PLAC9: variants seen among roughly 807,000 people sequenced by gnomAD.
PLAC9 encodes placenta-specific protein 9.
In PLAC9, 12 loss-of-function variants were observed where a neutral mutation model predicts 11.5. The observed-to-expected ratio is 1.05, with a 90% confidence interval of 0.67 to 1.69. PLAC9 has a LOEUF of 1.69. Ranked by LOEUF, PLAC9 falls within the 40% of genes most tolerant of loss-of-function variation. PLAC9 has a pLI of 0.00. For synonymous variants in PLAC9, 62 were observed against 58.1 expected (o/e 1.07, Z -0.31); for missense variants, 132 against 130.5 (o/e 1.01, Z -0.06).
chr10:80,135,513 G>A (rs1250416397), intron 1 of PLAC9, among the ~76,000 whole-genome samples: 6 of 151,518 alleles, frequency 4.0e-5, no homozygotes, highest in Non-Finnish European at 5.9e-5. Context: ...TTTTAGTAGA[G>A]ACGGGGGCTG....
upstream of PLAC9, among the ~76,000 whole-genome samples, chr10:80,132,018 C>T (rs1037424696): frequency 2.6e-5 from 4 of 152,186 alleles, no homozygotes; most frequent in Non-Finnish European, 4.4e-5. Context: ...ATGGGCATGT[C>T]CCATAGGGGA....
At chr10:80,134,438 A>T (rs529520051) in intron 1 of PLAC9, among the ~76,000 whole-genome samples, 7 of 152,010 alleles carry the variant, frequency 4.6e-5, no homozygotes, top group African/African-American at 1.7e-4. Flanking sequence ...TAATTTTGGT[A>T]TTTTTAGTAG....
intron 3 of PLAC9, 37 bp from the exon 4 acceptor site, chr10:80,144,863 C>G (rs1385205595): frequency 6.4e-7 from 1 of 1,556,796 alleles, no homozygotes. Flanking sequence ...TCTGCGGCAC[C>G]CCAGCTTGCT....
rs114432394 is a variant in PLAC9, at chr10:80,141,972, C to T, written c.65-110C>T. 1,251 of 728,500 alleles carry T rather than the reference C, an allele frequency of 1.7e-3. 18 individuals are homozygous for T. The African/African-American group carries it at 0.02, about 12-fold the overall frequency. The allele number at this position is 728,500 out of a possible 1,614,324, so 45.1% of individuals were successfully genotyped here. A position where few individuals can be genotyped will look rare whatever the true frequency, so the allele number is the denominator to read the frequency against. Reference sequence around the variant, plus strand: ...CCCCACCTGGGCCGTCCTCCGCTTGCTCCTGAGTTTGCTTTGAGGACTGAC... The same window carrying T: ...CCCCACCTGGGCCGTCCTCCGCTTGTTCCTGAGTTTGCTTTGAGGACTGAC... On this transcript the variant is annotated intron_variant, in intron 1 of 3. Transcript: ENST00000372263.
chr10:80,134,314 AATG>A (rs961206978), intron 1 of PLAC9, among the ~76,000 whole-genome samples: 12 of 148,744 alleles, frequency 8.1e-5, no homozygotes, highest in African/African-American at 3.0e-4. Context: ...CCCATGCTAG[AATG>A]CAGTGGCACA....
intron 1 of PLAC9, among the ~76,000 whole-genome samples, chr10:80,139,420 C>T (rs748747208): frequency 6.6e-6 from 1 of 152,162 alleles, no homozygotes; most frequent in Non-Finnish European, 1.5e-5. Context: ...AATCTCAGTT[C>T]CTTGGCCCCT....
In PLAC9 at chr10:80,145,002, C is replaced by T. The variant is rs986797263; in HGVS notation, c.*92C>T. ...CTGTCCTCTCGACTTCCTTCCTTAG[C>T]TTCATGTGAAATAAAAGCTATTCTG... On this transcript the variant is annotated 3_prime_UTR_variant, in exon 4 of 4. Coordinates refer to ENST00000372263, the MANE Select transcript of PLAC9 (RefSeq NM_001012973.3). The T allele has an allele frequency of 6.8e-7, 1 of 1,466,484 alleles. No individual in the cohort carries two copies. 90.8% of individuals were successfully genotyped at this position (1,466,484 alleles called of 1,614,324 possible). A position where few individuals can be genotyped will look rare whatever the true frequency, so the allele number is the denominator to read the frequency against.
chr10:80,142,842 C>T (rs1218702049), intron 2 of PLAC9, among the ~76,000 whole-genome samples: 1 of 152,080 alleles, frequency 6.6e-6, no homozygotes, highest in Non-Finnish European at 1.5e-5. Flanking sequence ...CCTCAGTCTC[C>T]CAAGTAGCTG....
intron 1 of PLAC9, among the ~76,000 whole-genome samples, chr10:80,140,187 G>T (rs1261531080): frequency 6.6e-6 from 1 of 151,648 alleles, no homozygotes; most frequent in Non-Finnish European, 1.5e-5. Context: ...CTGTCCCTCA[G>T]GCTGTAAGCA....
chr10:80,144,484 G>C, intron 3 of PLAC9, 141 bp downstream of exon 3: 1 of 1,251,706 alleles, frequency 8.0e-7, no homozygotes, highest in Non-Finnish European at 1.1e-6. Flanking sequence ...GGACGGAAGC[G>C]GGACGGCATC....
upstream of PLAC9, chr10:80,132,719 C>T: frequency 7.0e-7 from 1 of 1,423,952 alleles, no homozygotes; most frequent in Admixed American, 2.9e-5. Context: ...CCGGGAAGGG[C>T]GGCTGCGGGC....
At chr10:80,140,094 T>C (rs1845022147) in intron 1 of PLAC9, among the ~76,000 whole-genome samples, 2 of 152,164 alleles carry the variant, frequency 1.3e-5, no homozygotes, top group African/African-American at 4.8e-5. Context: ...TCTGTCTTCC[T>C]TCGAGATGTG....
chr10:80,145,107 T>G lies in PLAC9; in HGVS notation c.*197T>G, dbSNP rs41291394. The stretch of plus-strand genomic sequence containing the variant: ...TCCACTTCCATGCCTGGAGGAAGCC[T>G]GCAACCCCCTCCAGGCTCAGACCTG... On this transcript the variant is annotated 3_prime_UTR_variant, in exon 4 of 4. Coordinates refer to ENST00000372263, the MANE Select transcript of PLAC9 (RefSeq NM_001012973.3). 6,699 of 744,532 alleles carry G rather than the reference T, an allele frequency of 9.0e-3. 50 individuals carry two copies. Among genetic ancestry groups the G allele is most frequent in the Non-Finnish European group, 0.013 (5,624 of 428,742 alleles). 46.1% of individuals were successfully genotyped at this position (744,532 alleles called of 1,614,324 possible). A position where few individuals can be genotyped will look rare whatever the true frequency, so the allele number is the denominator to read the frequency against.
intron 2 of PLAC9, among the ~76,000 whole-genome samples, chr10:80,143,490 C>A (rs1381805916): frequency 7.2e-6 from 1 of 139,160 alleles, no homozygotes; most frequent in East Asian, 2.2e-4. Context: ...CTCCACCTCC[C>A]GGTTCAAGTG....
At position 80,145,009 on chromosome 10, in the gene PLAC9, T is replaced by C; in HGVS notation, c.*99T>C. On this transcript the variant is annotated 3_prime_UTR_variant, in exon 4 of 4. Transcript: ENST00000372263. ...CTCGACTTCCTTCCTTAGCTTCATG[T>C]GAAATAAAAGCTATTCTGGTCTCCT... 1 of 1,446,664 alleles carries C rather than the reference T, an allele frequency of 6.9e-7. No individual in the cohort carries two copies. The highest frequency in any genetic ancestry group is 9.5e-7 in the Non-Finnish European group (1 of 1,051,698). The allele number at this position is 1,446,664 out of a possible 1,614,324, so 89.6% of individuals were successfully genotyped here. A position where few individuals can be genotyped will look rare whatever the true frequency, so the allele number is the denominator to read the frequency against.
chr10:80,136,812 T>A (rs986870579), intron 1 of PLAC9, among the ~76,000 whole-genome samples: 1 of 151,804 alleles, frequency 6.6e-6, no homozygotes, highest in Non-Finnish European at 1.5e-5. Context: ...CGAGCCCAGC[T>A]CGTCTAGCTA....
At chr10:80,139,203 C>T (rs1353490369) in intron 1 of PLAC9, among the ~76,000 whole-genome samples, 6 of 152,102 alleles carry the variant, frequency 3.9e-5, no homozygotes, top group African/African-American at 1.2e-4. Flanking sequence ...CTGCCCGCCT[C>T]GGCCTCCCAA....
At chr10:80,139,563 C>G (rs1251055534) in intron 1 of PLAC9, among the ~76,000 whole-genome samples, 1 of 152,090 alleles carries the variant, frequency 6.6e-6, no homozygotes, top group Non-Finnish European at 1.5e-5. Context: ...TTGTTGATGC[C>G]GGCTCATTCT....
Position 80,144,890 on chromosome 10 carries a change from T to C in PLAC9, c.284-10T>C, listed in dbSNP as rs1183902711. The C allele has an allele frequency of 6.4e-7, 1 of 1,574,698 alleles. No homozygotes were observed. Among genetic ancestry groups the C allele is most frequent in the Admixed American group, 1.9e-5 (1 of 53,514 alleles). ...CAGCTTGCTCACTGGGGGCCTCTGCTTTCTTTCAGATGGCTTCTGAGCCCT... is the reference window on the plus strand; with the variant it reads ...CAGCTTGCTCACTGGGGGCCTCTGCCTTCTTTCAGATGGCTTCTGAGCCCT... On this transcript the variant is annotated splice_polypyrimidine_tract_variant and intron_variant, in intron 3 of 3. Transcript: ENST00000372263.
Sources: gnomAD v4.1 joint callset for allele counts (sites outside exome capture counted in the v4.1 genomes callset) on GRCh38, gnomAD v4.1.1 for gene constraint, MANE v1.5 for transcripts, NCBI Gene and HGNC (gene_info 2026-07-23, HGNC 2026-07-21) for gene names.